The following EPG5 variants were observed in gnomAD, a reference collection of about 807,000 sequenced individuals.
The protein encoded by EPG5 is ectopic P granules protein 5 homolog.
A neutral mutation model predicts 302.7 loss-of-function variants in EPG5; 159 were observed. The ratio of observed to expected loss-of-function variants is 0.53; its 90% confidence interval spans 0.46 to 0.60. EPG5 has a LOEUF of 0.60. Ranked by LOEUF, EPG5 falls within the 20% of genes least tolerant of loss-of-function variation. The pLI is 0.00. For missense variants in EPG5, 2,896 were observed against 3,092.4 expected (o/e 0.94, Z 1.51); for synonymous variants, 1,158 against 1,136.8 (o/e 1.02, Z -0.37).
In EPG5 at chr18:45,956,352, G is replaced by A. The variant is rs559373556; in HGVS notation, c.64-1014C>T. On this transcript the variant is annotated intron_variant, in intron 1 of 43. Transcript: ENST00000282041. ...GTGATCTGACAACTAAGTGTATTGC[G>A]GGACCTGGATTAGAAAAAGGACATT... is the stretch of plus-strand genomic sequence containing the variant. Among the ~76,000 whole-genome samples, 27 of 152,294 alleles carry A rather than the reference G, an allele frequency of 1.8e-4. No individual in the cohort carries two copies. In the South Asian group the frequency reaches 3.1e-3, roughly 18 times the overall value.
Position 45,912,311 on chromosome 18 carries a change from T to C in EPG5, c.3962A>G (p.His1321Arg), listed in dbSNP as rs2049924147. Residue 1321 changes from histidine (H) to arginine (R), a missense_variant, in exon 22 of 44, where the codon CAC becomes CGC. By Grantham distance (29) the His-to-Arg change is conservative. Around this residue, in one of 5 missense-constraint regions of EPG5, gnomAD observed 790 missense variants for 798.0 expected, o/e 0.99. Transcript: ENST00000282041. The stretch of plus-strand genomic sequence containing the variant: ...ATACCCATACTGTGGTCCCGGACGG[T>C]GAAGATACAGAAGGAAGAACTTCTG... ...IWQKFFLLYL[H>R]RPGPQYGLPI... 6.2e-7 allele frequency: 1 copy of C among 1,602,108 alleles called. No individual in the cohort carries two copies. Among genetic ancestry groups the C allele is most frequent in the Admixed American group, 1.8e-5 (1 of 55,734 alleles).
At chr18:45,934,399 T>C (rs370434013) in intron 11 of EPG5, among the ~76,000 whole-genome samples, 1 of 152,226 alleles carries the variant, frequency 6.6e-6, no homozygotes, top group East Asian at 1.9e-4. Flanking sequence ...TGTCTACATC[T>C]TTAGTTCATA....
the EPG5 span, chr18:45,825,631 C>G: frequency 7.3e-7 from 1 of 1,368,954 alleles, no homozygotes; most frequent in Non-Finnish European, 1.0e-6. Context: ...GCCCTGCCCA[C>G]CCCCGCCCGC....
the EPG5 span, among the ~76,000 whole-genome samples, chr18:45,833,663 C>T: frequency 4.1e-4 from 62 of 152,236 alleles, no homozygotes; most frequent in Admixed American, 1.4e-3. Context: ...TATATCCTGA[C>T]GTACAGATTT....
At position 45,925,743 on chromosome 18, in the gene EPG5, T is replaced by C. The variant is rs369921890; in HGVS notation, c.2713A>G (p.Lys905Glu). Residue 905 changes from lysine to glutamate, a missense_variant, in exon 14 of 44, where the codon AAA becomes GAA. Coordinates refer to ENST00000282041, the MANE Select transcript of EPG5 (RefSeq NM_020964.3). ...GGAATGGTTTGAACACATACCTGTTTAGCAAATCCCCAATTCAGTCCTTCA... is the reference window on the plus strand; with the variant it reads ...GGAATGGTTTGAACACATACCTGTTCAGCAAATCCCCAATTCAGTCCTTCA... ...ILEGLNWGFA[K>E]QATLHLDQAV... 51 of 1,532,218 alleles carry C rather than the reference T, an allele frequency of 3.3e-5. No individual in the cohort carries two copies. Among genetic ancestry groups the C allele is most frequent in the Non-Finnish European group, 3.9e-5 (45 of 1,144,996 alleles). The allele number at this position is 1,532,218 out of a possible 1,614,324, so 94.9% of individuals were successfully genotyped here. A position where few individuals can be genotyped will look rare whatever the true frequency, so the allele number is the denominator to read the frequency against.
intron 9 of EPG5, among the ~76,000 whole-genome samples, chr18:45,941,161 G>T (rs1384100729): frequency 1.3e-5 from 2 of 152,224 alleles, no homozygotes. Flanking sequence ...CTGGAAGTGA[G>T]AATGAAACAA....
In EPG5 at chr18:45,860,310, C is replaced by T. The variant is rs1265568552; in HGVS notation, c.6803G>A (p.Ser2268Asn). The change falls in exon 40 of 44, where the codon AGC (serine) becomes AAC (asparagine). Residue 2268 changes from serine (S) to asparagine (N), a missense_variant. This residue lies in a region of EPG5 where 620 missense variants were observed against 704.2 expected (regional missense o/e 0.88). Transcript: ENST00000282041. ...DSQTRHMALSSLFMEVLMMMN... is the reference protein window; with the variant it reads ...DSQTRHMALSNLFMEVLMMMN... ...CATCATCAGGACTTCCATAAAGAGGCTGCTGAGGGCCATGTGGCGGGTCTG... is the reference window on the plus strand; with the variant it reads ...CATCATCAGGACTTCCATAAAGAGGTTGCTGAGGGCCATGTGGCGGGTCTG... The T allele has an allele frequency of 2.5e-6, 4 of 1,614,218 alleles. No individual in the cohort carries two copies. The Admixed American group carries it at 6.7e-5, about 27-fold the overall frequency.
chr18:45,930,688 C>A lies in EPG5; in HGVS notation c.2400G>T (p.Leu800=). ...VDEDFIKIIV[L]EIYEVSYVTL... Reference sequence around the variant, plus strand: ...TTCATATTCTAACCTCATATATCTCCAGAACAATAATTTTTATGAAGTCTT... The same window carrying A: ...TTCATATTCTAACCTCATATATCTCAAGAACAATAATTTTTATGAAGTCTT... The change falls in exon 12 of 44, where the codon CTG becomes CTT. Residue 800 remains leucine (L), a synonymous_variant. Coordinates refer to ENST00000282041, the MANE Select transcript of EPG5 (RefSeq NM_020964.3). 1 of 1,591,072 alleles carries A rather than the reference C, an allele frequency of 6.3e-7. No individual in the cohort carries two copies. The highest frequency in any genetic ancestry group is 8.5e-7 in the Non-Finnish European group (1 of 1,173,076).
intron 35 of EPG5, 143 bp downstream of exon 35, chr18:45,876,088 TAACAC>T (rs2048965954): frequency 3.3e-6 from 2 of 600,472 alleles, no homozygotes; most frequent in Non-Finnish European, 5.8e-6. Context: ...GTTACACACT[TAACAC>T]TAAATAATTG....
chr18:45,952,416 A>G lies in EPG5; in HGVS notation c.1236T>C (p.Ile412=). 6.2e-7 allele frequency: 1 copy of G among 1,614,084 alleles called. No homozygotes were observed. The highest frequency in any genetic ancestry group is 1.1e-5 in the South Asian group (1 of 91,070). The change falls in exon 3 of 44, where the codon ATT becomes ATC. Residue 412 remains isoleucine, a synonymous_variant. Coordinates refer to ENST00000282041, the MANE Select transcript of EPG5 (RefSeq NM_020964.3). ...SSSAVLRSSA[I]HQQGRASKQT... ...CTTACATACCTCGGCCTTGCTGGTG[A>G]ATTGCTGAAGATCTCAGAACAGCTG... is the stretch of plus-strand genomic sequence containing the variant.
chr18:45,862,728 C>A (rs2048662462), intron 39 of EPG5, among the ~76,000 whole-genome samples: 1 of 152,198 alleles, frequency 6.6e-6, no homozygotes, highest in Non-Finnish European at 1.5e-5. Context: ...ATGGCAGCAC[C>A]ATGCTTCCTG....
intron 35 of EPG5, among the ~76,000 whole-genome samples, chr18:45,873,439 G>A (rs1402959169): frequency 1.3e-5 from 2 of 152,060 alleles, no homozygotes; most frequent in Non-Finnish European, 2.9e-5. Context: ...GAACCCAGGA[G>A]GCAGAGGTTG....
the EPG5 span, among the ~76,000 whole-genome samples, chr18:45,814,247 A>G: frequency 2.6e-5 from 4 of 152,338 alleles, no homozygotes; most frequent in East Asian, 1.9e-4. Context: ...GGTAACATAC[A>G]CTAATCATGA....
At chr18:45,810,008 C>A in the EPG5 span, among the ~76,000 whole-genome samples, 1 of 151,926 alleles carries the variant, frequency 6.6e-6, no homozygotes, top group Non-Finnish European at 1.5e-5. Flanking sequence ...TCCAAATAAG[C>A]TCAATAAGAA....
chr18:45,879,288 G>T, intron 32 of EPG5, 74 bp from the exon 33 acceptor site: 1 of 1,050,686 alleles, frequency 9.5e-7, no homozygotes, highest in Non-Finnish European at 1.4e-6. Flanking sequence ...CACTGTGATG[G>T]GGGTGTATAT....
At chr18:45,929,271 G>A (rs1242538337) in intron 12 of EPG5, among the ~76,000 whole-genome samples, 2 of 152,130 alleles carry the variant, frequency 1.3e-5, no homozygotes, top group African/African-American at 4.8e-5. Flanking sequence ...CCCAAAGTCT[G>A]TCGGTAACAA....
At chr18:45,932,595 C>T (rs1197165916) in intron 11 of EPG5, among the ~76,000 whole-genome samples, 1 of 152,124 alleles carries the variant, frequency 6.6e-6, no homozygotes, top group Non-Finnish European at 1.5e-5. Flanking sequence ...GTTAGAAAGC[C>T]TTATTCTTCC....
chr18:45,868,261 G>A, intron 36 of EPG5: 1 of 446,802 alleles, frequency 2.2e-6, no homozygotes, highest in Admixed American at 2.4e-5. Context: ...TAATGCTGAT[G>A]CTGCTGTCCC....
In EPG5 at chr18:45,882,463, C is replaced by T. The variant is rs777063993; in HGVS notation, c.5329G>A (p.Ala1777Thr). The stretch of plus-strand genomic sequence containing the variant: ...CGATCAGACAGAGGAGGTTTAGTGG[C>T]GCTTAACCATTGTTTAAGATCGAAC... ...TKFDLKQWLS[A>T]TKPPLSDRTR... is the part of the protein sequence containing the mutation. Residue 1777 changes from alanine to threonine, a missense_variant, in exon 31 of 44, where the codon GCC becomes ACC. Physicochemically the swap from Ala to Thr is moderately conservative, Grantham distance 58. Coordinates refer to ENST00000282041, the MANE Select transcript of EPG5 (RefSeq NM_020964.3). The T allele has an allele frequency of 2.0e-5, 32 of 1,613,200 alleles. No homozygotes were observed. Among genetic ancestry groups the T allele is most frequent in the South Asian group, 1.2e-4 (11 of 90,962 alleles).
Sources: gnomAD v4.1 joint callset for allele counts (sites outside exome capture counted in the v4.1 genomes callset) on GRCh38, gnomAD v4.1.1 for gene constraint, gnomAD v4.1.1 regional missense constraint, MANE v1.5 for transcripts, NCBI Gene and HGNC (gene_info 2026-07-23, HGNC 2026-07-21) for gene names.